Variants in FAT1 observed in about 807,000 individuals in gnomAD.
FAT1 encodes FAT atypical cadherin 1.
Under a neutral mutation model 329.8 loss-of-function variants are expected in FAT1, and 171 were observed. That is an observed-to-expected ratio of 0.52 (90% CI 0.46 to 0.59). FAT1 has a LOEUF of 0.59. Among genes scored for constraint, FAT1 ranks in the 20% least tolerant of loss-of-function variants. The pLI, the probability that FAT1 is intolerant of heterozygous loss-of-function variation, is 0.00. For synonymous variants in FAT1, 2,233 were observed against 2,228.6 expected, an observed-to-expected ratio of 1.00 and a Z score of -0.06; for missense variants, 5,672 against 5,774.4, an observed-to-expected ratio of 0.98 and a Z score of 0.57.
chr4:186,628,337 G>A lies in FAT1; in HGVS notation c.4627C>T (p.Arg1543Cys), dbSNP rs888946039. 6 of 1,612,994 alleles carry A rather than the reference G, an allele frequency of 3.7e-6. No homozygotes were observed. The highest frequency in any genetic ancestry group is 1.3e-5 in the African/African-American group (1 of 74,894). Residue 1543 changes from arginine to cysteine, a missense_variant, in exon 9 of 27, where the codon CGC becomes TGC. Physicochemically the swap from Arg to Cys is radical, Grantham distance 180. Transcript: ENST00000441802. ...MVRDQDVPVKRNFARIVVNVS... is the reference protein window; with the variant it reads ...MVRDQDVPVKCNFARIVVNVS... ...TTGACCACAATCCTTGCAAAGTTGC[G>A]TTTTACAGGCACATCTTGATCTCGT...
Position 186,593,328 on chromosome 4 carries a change from C to T in FAT1, c.13138+2361G>A, listed in dbSNP as rs548563636. Among the ~76,000 whole-genome samples the T allele has an allele frequency of 3.9e-5, 6 of 152,286 alleles. No individual in the cohort carries two copies. The East Asian group carries it at 1.2e-3, about 29-fold the overall frequency. On this transcript the variant is annotated intron_variant, in intron 26 of 26. Coordinates refer to ENST00000441802, the MANE Select transcript of FAT1 (RefSeq NM_005245.4). Reference sequence around the variant, plus strand: ...AGGAGGAGACTCTGTCCGTCTGTTTCCTGTGTAAATTCCCTTTTCATTTGT... The same window carrying T: ...AGGAGGAGACTCTGTCCGTCTGTTTTCTGTGTAAATTCCCTTTTCATTTGT...
chr4:186,725,051 T>C (rs1429442142), upstream of FAT1, among the ~76,000 whole-genome samples: 2 of 152,130 alleles, frequency 1.3e-5, no homozygotes, highest in African/African-American at 4.8e-5. The surrounding 1 kb of genome is among the most constrained non-coding windows in gnomAD (Gnocchi z 5.4). Context: ...GCCTGCAAGA[T>C]GAGTGTGCCG....
At chr4:186,673,023 A>G (rs1257489762) in intron 2 of FAT1, among the ~76,000 whole-genome samples, 1 of 152,242 alleles carries the variant, frequency 6.6e-6, no homozygotes, top group Non-Finnish European at 1.5e-5. Context: ...GAAGACATGC[A>G]TATTAATTAC....
intron 3 of FAT1, among the ~76,000 whole-genome samples, chr4:186,651,061 T>C (rs1038831749): frequency 8.0e-5 from 12 of 149,150 alleles, no homozygotes; most frequent in African/African-American, 2.9e-4. Flanking sequence ...AAATAATTTA[T>C]TTATTATTAA....
chr4:186,653,313 G>A (rs1236253689), intron 3 of FAT1, among the ~76,000 whole-genome samples: 1 of 152,098 alleles, frequency 6.6e-6, no homozygotes, highest in Middle Eastern at 3.2e-3. Flanking sequence ...AGATCTAACA[G>A]TCTACTAACC....
intron 26 of FAT1, among the ~76,000 whole-genome samples, chr4:186,593,282 G>T (rs1738330026): frequency 6.6e-6 from 1 of 152,198 alleles, no homozygotes; most frequent in Admixed American, 6.5e-5. Context: ...ACTAATCGCT[G>T]GTGAGCTAAT....
At chr4:186,695,889 T>C (rs1744009730) in intron 2 of FAT1, among the ~76,000 whole-genome samples, 1 of 151,534 alleles carries the variant, frequency 6.6e-6, no homozygotes, top group Admixed American at 6.6e-5. Flanking sequence ...GCTCCCAGAT[T>C]CAAGCAATTC....
intron 9 of FAT1, among the ~76,000 whole-genome samples, chr4:186,624,054 G>A (rs1315149262): frequency 6.6e-6 from 1 of 152,146 alleles, no homozygotes; most frequent in African/African-American, 2.4e-5. Context: ...AACAATGAGG[G>A]CTGCTGAGTG....
chr4:186,691,716 G>A (rs1743770853), intron 2 of FAT1, among the ~76,000 whole-genome samples: 1 of 152,152 alleles, frequency 6.6e-6, no homozygotes, highest in African/African-American at 2.4e-5. Flanking sequence ...GCTGTGGTGG[G>A]AGGATTGCTT....
Position 186,600,006 on chromosome 4 carries a change from T to C in FAT1, c.11995A>G (p.Ile3999Val), listed in dbSNP as rs553820483. The change falls in exon 22 of 27, where the codon ATC (isoleucine) becomes GTC (valine). Residue 3999 changes from isoleucine to valine, a missense_variant. By Grantham distance (29) the Ile-to-Val change is conservative. Transcript: ENST00000441802. Reference protein sequence around the residue: ...LNSKPRSYAHIEESVDVSPGC... With the variant: ...LNSKPRSYAHVEESVDVSPGC... Reference sequence around the variant, plus strand: ...GGAGATACATCCACCGACTCTTCGATGTGTGCATAGCTTCTGGGTTTGCTG... The same window carrying C: ...GGAGATACATCCACCGACTCTTCGACGTGTGCATAGCTTCTGGGTTTGCTG... 9 of 1,614,012 alleles carry C rather than the reference T, an allele frequency of 5.6e-6. No individual in the cohort carries two copies. The highest frequency in any genetic ancestry group is 7.6e-6 in the Non-Finnish European group (9 of 1,179,900).
At position 186,633,669 on chromosome 4, in the gene FAT1, T is replaced by C. The variant is rs895773674; in HGVS notation, c.4323+15A>G. 2.7e-5 allele frequency: 43 copies of C among 1,613,678 alleles called. No homozygotes were observed. Among genetic ancestry groups the C allele is most frequent in the Non-Finnish European group, 3.5e-5 (41 of 1,179,764 alleles). On this transcript the variant is annotated intron_variant, in intron 7 of 26. Coordinates refer to ENST00000441802, the MANE Select transcript of FAT1 (RefSeq NM_005245.4). Reference sequence around the variant, plus strand: ...CATCCTCCTCTGACAAGTGTGTCATTAGTAATTCACTTACCTGAGTGAGGA... The same window carrying C: ...CATCCTCCTCTGACAAGTGTGTCATCAGTAATTCACTTACCTGAGTGAGGA...
chr4:186,652,263 A>C (rs1741702883), intron 3 of FAT1, among the ~76,000 whole-genome samples: 1 of 152,230 alleles, frequency 6.6e-6, no homozygotes, highest in Admixed American at 6.5e-5. Flanking sequence ...GGTCAGAAGA[A>C]GAGGATAGGG....
intron 2 of FAT1, among the ~76,000 whole-genome samples, chr4:186,683,753 C>G (rs1322435425): frequency 1.3e-5 from 2 of 152,116 alleles, no homozygotes; most frequent in African/African-American, 2.4e-5. Flanking sequence ...GGTCATGGAC[C>G]CATCAAGGAT....
chr4:186,672,194 G>T (rs928815174), intron 2 of FAT1, among the ~76,000 whole-genome samples: 2 of 152,134 alleles, frequency 1.3e-5, no homozygotes, highest in Non-Finnish European at 2.9e-5. Context: ...TCTATTATGT[G>T]TGTATACATA....
Position 186,597,068 on chromosome 4 carries a change from T to C in FAT1, c.12472A>G (p.Arg4158Gly), listed in dbSNP as rs2126394411. The C allele has an allele frequency of 6.2e-7, 1 of 1,614,016 alleles. No homozygotes were observed. The highest frequency in any genetic ancestry group is 1.1e-5 in the South Asian group (1 of 91,082). The change falls in exon 25 of 27, where the codon AGG becomes GGG. Residue 4158 changes from arginine to glycine, a missense_variant. This residue lies in a region of FAT1 where 1,706 missense variants were observed against 1,859.1 expected (regional missense o/e 0.92). Transcript: ENST00000441802. ...GCAGCATCCTCGCAGTGACGTCCCC[T>C]GTACTCGTGGCTGCAGTTGCAGTGA... is the stretch of plus-strand genomic sequence containing the variant. ...SYHCNCSHEY[R>G]GRHCEDAAPN...
intron 6 of FAT1, among the ~76,000 whole-genome samples, 171 bp downstream of exon 6, chr4:186,635,854 T>TCAA (rs1168410118): frequency 2.0e-5 from 3 of 152,240 alleles, no homozygotes; most frequent in African/African-American, 4.8e-5. Flanking sequence ...ACATATGCTA[T>TCAA]ATATTGTGAA....
intron 3 of FAT1, among the ~76,000 whole-genome samples, chr4:186,661,414 A>C (rs550899944): frequency 8.2e-4 from 125 of 152,342 alleles, no homozygotes; most frequent in Non-Finnish European, 2.6e-4. Context: ...CCACATGTTG[A>C]CATGGCTGTC....
chr4:186,635,771 G>C (rs1740790743), intron 6 of FAT1, among the ~76,000 whole-genome samples: 1 of 152,150 alleles, frequency 6.6e-6, no homozygotes. Context: ...GTAACTCTTT[G>C]ACAAACTTTT....
intron 14 of FAT1, among the ~76,000 whole-genome samples, chr4:186,610,326 C>T (rs1739343580): frequency 6.6e-6 from 1 of 151,982 alleles, no homozygotes; most frequent in Non-Finnish European, 1.5e-5. Context: ...CCATAGCTCA[C>T]TCGACTTCAC....
Sources: gnomAD v4.1 joint callset for allele counts (sites outside exome capture counted in the v4.1 genomes callset) on GRCh38, gnomAD v4.1.1 for gene constraint, gnomAD v4.1.1 regional missense constraint, Gnocchi (gnomAD v3.1) non-coding constraint, MANE v1.5 for transcripts, NCBI Gene and HGNC (gene_info 2026-07-23, HGNC 2026-07-21) for gene names.